Variants in TRDN observed in about 807,000 individuals in gnomAD.
TRDN encodes triadin in skeletal muscle.
Under a neutral mutation model 149.7 loss-of-function variants are expected in TRDN, and 161 were observed. That is an observed-to-expected ratio of 1.08 (90% CI 0.95 to 1.23). The LOEUF (loss-of-function observed/expected upper bound fraction) is 1.23. Ranked by LOEUF, TRDN falls within the 50% of genes most tolerant of loss-of-function variation. The probability of loss-of-function intolerance (pLI) is 0.00; values close to 1 mark genes in which losing one functional copy is unlikely to be tolerated. For missense variants in TRDN, 896 were observed against 823.5 expected (o/e 1.09, Z -1.08); for synonymous variants, 294 against 250.5 (o/e 1.17, Z -1.64).
In TRDN at chr6:123,586,345, A is replaced by T. The variant is rs1165351048; in HGVS notation, c.23-15213T>A. 3.9e-5 allele frequency among the ~76,000 whole-genome samples: 6 copies of T among 151,998 alleles called. No individual in the cohort carries two copies. In the East Asian group the frequency reaches 9.7e-4, roughly 25 times the overall value. ...TGGGACCTAGCTCGGCCTGGCGAGGAGGGGAGAGGTCAGATGTGTCTGTAG... is the reference window on the plus strand; with the variant it reads ...TGGGACCTAGCTCGGCCTGGCGAGGTGGGGAGAGGTCAGATGTGTCTGTAG... On this transcript the variant is annotated intron_variant, in intron 1 of 40. Coordinates refer to ENST00000334268, the MANE Select transcript of TRDN (RefSeq NM_006073.4).
At chr6:123,488,870 T>A (rs1778086919) in intron 9 of TRDN, 1 of 152,172 alleles carries the variant, frequency 6.6e-6, no homozygotes, top group Non-Finnish European at 1.5e-5. Flanking sequence ...TGCTGCTTTG[T>A]GCCACCTTGG....
intron 21 of TRDN, chr6:123,350,815 T>A: frequency 6.1e-6 from 6 of 983,770 alleles, no homozygotes; most frequent in Non-Finnish European, 7.2e-6. Flanking sequence ...CCTCATTTTT[T>A]TCACACAATC....
At chr6:123,601,014 C>T (rs1784250883) in intron 1 of TRDN, among the ~76,000 whole-genome samples, 1 of 151,944 alleles carries the variant, frequency 6.6e-6, no homozygotes, top group Non-Finnish European at 1.5e-5. Flanking sequence ...GAAAAACATA[C>T]ATGTTGTATC....
chr6:123,358,505 C>T (rs143029878), intron 20 of TRDN, among the ~76,000 whole-genome samples: 3 of 151,998 alleles, frequency 2.0e-5, no homozygotes, highest in Non-Finnish European at 1.5e-5. Context: ...GCATTTGTCG[C>T]CCAGGCTGGA....
At chr6:123,260,789 G>C (rs1439828274) in intron 33 of TRDN, among the ~76,000 whole-genome samples, 151 bp from the exon 34 acceptor site, 1 of 151,654 alleles carries the variant, frequency 6.6e-6, no homozygotes, top group Non-Finnish European at 1.5e-5. Context: ...AAATGGCAAA[G>C]AAATGTACTG....
chr6:123,574,792 G>C (rs376838195), intron 1 of TRDN, among the ~76,000 whole-genome samples: 3 of 148,348 alleles, frequency 2.0e-5, no homozygotes, highest in East Asian at 4.0e-4. Context: ...TGATATGAAT[G>C]AGTTGAATCC....
chr6:123,610,132 A>G (rs1320829887), intron 1 of TRDN, among the ~76,000 whole-genome samples: 1 of 152,234 alleles, frequency 6.6e-6, no homozygotes, highest in African/African-American at 2.4e-5. Flanking sequence ...TGCAATAGCT[A>G]TTAAGAGTCT....
At chr6:123,454,199 G>C (rs1358640287) in intron 10 of TRDN, among the ~76,000 whole-genome samples, 1 of 151,938 alleles carries the variant, frequency 6.6e-6, no homozygotes, top group East Asian at 1.9e-4. Context: ...CGGATGATGG[G>C]TGCACCAAAA....
chr6:123,314,149 C>T (rs908508959), intron 24 of TRDN, among the ~76,000 whole-genome samples: 14 of 152,038 alleles, frequency 9.2e-5, no homozygotes, highest in African/African-American at 2.9e-4. Flanking sequence ...AACAAATTTA[C>T]AAGAAACAAA....
At position 123,526,396 on chromosome 6, in the gene TRDN, A is replaced by G. The variant is rs146746772; in HGVS notation, c.484+4110T>C. Among the ~76,000 whole-genome samples, 718 of 152,122 alleles carry G rather than the reference A, an allele frequency of 4.7e-3. 6 individuals carry two copies. Among genetic ancestry groups the G allele is most frequent in the African/African-American group, 0.016 (680 of 41,530 alleles). ...GAGACAAATTCTAGATCCTATGGCT[A>G]TGAGCAAATTCTGGTGCTACAGACT... is the stretch of plus-strand genomic sequence containing the variant. On this transcript the variant is annotated intron_variant, in intron 5 of 40. Transcript: ENST00000334268.
intron 24 of TRDN, among the ~76,000 whole-genome samples, chr6:123,303,970 G>T (rs183227280): frequency 6.6e-6 from 1 of 152,156 alleles, no homozygotes; most frequent in African/African-American, 2.4e-5. Flanking sequence ...ATAAATTTGG[G>T]AGACACATAA....
At chr6:123,599,526 C>G (rs1264646350) in intron 1 of TRDN, among the ~76,000 whole-genome samples, 1 of 151,972 alleles carries the variant, frequency 6.6e-6, no homozygotes, top group East Asian at 1.9e-4. Flanking sequence ...TTAATGCATT[C>G]ACTACCAATT....
chr6:123,593,640 T>G (rs550385902), intron 1 of TRDN, among the ~76,000 whole-genome samples: 169 of 152,322 alleles, frequency 1.1e-3, no homozygotes, highest in African/African-American at 4.0e-3. Context: ...TCTATGTGTT[T>G]CTGTCTCCAA....
chr6:123,242,425 C>T (rs1193578214), intron 38 of TRDN, among the ~76,000 whole-genome samples: 1 of 151,908 alleles, frequency 6.6e-6, no homozygotes, highest in African/African-American at 2.4e-5. Context: ...CTCCAAACTC[C>T]ATGAGAAGCA....
chr6:123,496,536 A>C (rs957437704), intron 9 of TRDN, among the ~76,000 whole-genome samples: 1 of 152,112 alleles, frequency 6.6e-6, no homozygotes, highest in Non-Finnish European at 1.5e-5. Context: ...TTAAATCTGC[A>C]AAAGGCATAG....
intron 38 of TRDN, among the ~76,000 whole-genome samples, chr6:123,240,606 G>T (rs1356720095): frequency 9.9e-5 from 15 of 151,672 alleles, no homozygotes; most frequent in Admixed American, 9.9e-4. Context: ...GAAACATTTA[G>T]ATCTAATTTT....
intron 38 of TRDN, among the ~76,000 whole-genome samples, chr6:123,227,289 G>A (rs1047944823): frequency 6.6e-6 from 1 of 151,782 alleles, no homozygotes; most frequent in African/African-American, 2.4e-5. Context: ...TTTGCCAAAA[G>A]AATGAAATAG....
intron 1 of TRDN, among the ~76,000 whole-genome samples, chr6:123,599,430 T>C (rs1784181108): frequency 6.6e-6 from 1 of 152,060 alleles, no homozygotes; most frequent in Non-Finnish European, 1.5e-5. Flanking sequence ...ATGTAAATAA[T>C]TCAGAAATTT....
At chr6:123,369,722 A>G (rs559412591) in intron 19 of TRDN, among the ~76,000 whole-genome samples, 9 of 152,118 alleles carry the variant, frequency 5.9e-5, no homozygotes, top group Non-Finnish European at 1.2e-4. Context: ...GCACATACTC[A>G]TCCATTTTTC....
Sources: gnomAD v4.1 joint callset for allele counts (sites outside exome capture counted in the v4.1 genomes callset) on GRCh38, gnomAD v4.1.1 for gene constraint, MANE v1.5 for transcripts, NCBI Gene and HGNC (gene_info 2026-07-23, HGNC 2026-07-21) for gene names.